Variants in TBCEL observed in about 807,000 individuals in gnomAD.
The protein encoded by TBCEL is tubulin-specific chaperone cofactor E-like protein.
Under a neutral mutation model 44.2 loss-of-function variants are expected in TBCEL, and 15 were observed. That is an observed-to-expected ratio of 0.34 (90% CI 0.23 to 0.52). The LOEUF (loss-of-function observed/expected upper bound fraction) is 0.52. Among genes scored for constraint, TBCEL ranks in the 20% least tolerant of loss-of-function variants. The pLI is 0.95. For missense variants in TBCEL, 319 were observed against 506.3 expected (o/e 0.63, Z 3.55); for synonymous variants, 171 against 185.4 (o/e 0.92, Z 0.63).
chr11:121,073,016 C>T (rs1945965654), intron 8 of TBCEL, among the ~76,000 whole-genome samples: 1 of 152,000 alleles, frequency 6.6e-6, no homozygotes, highest in South Asian at 2.1e-4. Context: ...TGTATTTGTC[C>T]ATCCCTTGTA....
At chr11:121,086,398 A>G (rs944794587) in intron 8 of TBCEL, among the ~76,000 whole-genome samples, 8 of 152,162 alleles carry the variant, frequency 5.3e-5, no homozygotes, top group Non-Finnish European at 8.8e-5. Flanking sequence ...CTTTCCATCT[A>G]TTCCCAAGGG....
At chr11:121,076,324 T>C (rs1004318161) in intron 8 of TBCEL, among the ~76,000 whole-genome samples, 1 of 151,988 alleles carries the variant, frequency 6.6e-6, no homozygotes, top group Non-Finnish European at 1.5e-5. Flanking sequence ...CCAGTATCTC[T>C]TTCCATTTAT....
chr11:121,082,787 T>C (rs951098000), intron 8 of TBCEL, among the ~76,000 whole-genome samples: 1 of 152,220 alleles, frequency 6.6e-6, no homozygotes, highest in African/African-American at 2.4e-5. Flanking sequence ...AGTAGTACCA[T>C]GGAACTGGCC....
intron 7 of TBCEL, among the ~76,000 whole-genome samples, chr11:121,058,795 T>G (rs1945667809): frequency 6.6e-6 from 1 of 152,008 alleles, no homozygotes; most frequent in Non-Finnish European, 1.5e-5. Context: ...GAATCATTTC[T>G]ATTCTTATTT....
At chr11:121,026,341 T>C (rs908005192) in intron 1 of TBCEL, among the ~76,000 whole-genome samples, 3 of 152,134 alleles carry the variant, frequency 2.0e-5, no homozygotes, top group African/African-American at 7.2e-5. Flanking sequence ...AAAGTGAGAG[T>C]CCTTCATGTA....
intron 8 of TBCEL, among the ~76,000 whole-genome samples, chr11:121,060,454 A>G (rs1403019676): frequency 1.3e-5 from 2 of 151,904 alleles, no homozygotes; most frequent in African/African-American, 2.4e-5. Flanking sequence ...TTTAGGATAT[A>G]CTAAGTTCTC....
intron 1 of TBCEL, among the ~76,000 whole-genome samples, chr11:121,025,607 C>T (rs186423540): frequency 3.3e-5 from 5 of 152,058 alleles, no homozygotes; most frequent in African/African-American, 1.2e-4. Flanking sequence ...ATTTGTGGGT[C>T]ACAACTTGCA....
intron 2 of TBCEL, among the ~76,000 whole-genome samples, chr11:121,044,543 A>G (rs143067637): frequency 6.6e-6 from 1 of 152,226 alleles, no homozygotes; most frequent in Non-Finnish European, 1.5e-5. Context: ...CAGAGCCTGT[A>G]TATCCTTCTC....
At position 121,088,989 on chromosome 11, in the gene TBCEL, C is replaced by G. The variant is rs1233499231; in HGVS notation, c.*1893C>G. The G allele has an allele frequency of 2.6e-5, 4 of 152,174 alleles. No homozygotes were observed. The highest frequency in any genetic ancestry group is 9.7e-5 in the African/African-American group (4 of 41,436). 9.4% of individuals were successfully genotyped at this position (152,174 alleles called of 1,614,324 possible). ...ATAATTATTTTGCAAACACATTTTC[C>G]TGACAGATTTTTGGAAGTAGGAAAA... is the stretch of plus-strand genomic sequence containing the variant. On this transcript the variant is annotated 3_prime_UTR_variant, in exon 9 of 9. Coordinates refer to ENST00000683345, the MANE Select transcript of TBCEL (RefSeq NM_001363644.2).
intron 8 of TBCEL, among the ~76,000 whole-genome samples, chr11:121,069,058 C>T (rs772554278): frequency 6.6e-6 from 1 of 152,156 alleles, no homozygotes; most frequent in Non-Finnish European, 1.5e-5. Flanking sequence ...CTTCTCTCCT[C>T]ACCCAGTCTA....
At chr11:121,037,136 C>G (rs1203700077) in intron 2 of TBCEL, among the ~76,000 whole-genome samples, 2 of 152,084 alleles carry the variant, frequency 1.3e-5, no homozygotes, top group Non-Finnish European at 2.9e-5. Context: ...CATTACTACA[C>G]TTGGGTATAG....
At chr11:121,027,872 CATAGACCAA>C (rs1243892524) in intron 1 of TBCEL, among the ~76,000 whole-genome samples, 28 of 152,136 alleles carry the variant, frequency 1.8e-4, no homozygotes, top group Admixed American at 1.8e-3. Flanking sequence ...GGGCGTAGTT[CATAGACCAA>C]GTAGATCAGA....
In TBCEL at chr11:121,088,146, G is replaced by C. The variant is rs1422065868; in HGVS notation, c.*1050G>C. On this transcript the variant is annotated 3_prime_UTR_variant, in exon 9 of 9. Coordinates refer to ENST00000683345, the MANE Select transcript of TBCEL (RefSeq NM_001363644.2). ...AAGAGCTTATGACTTTCCCACCTGT[G>C]TCATCCATTGGAAGCCCTTGCTCTT... The C allele has an allele frequency of 2.0e-5, 3 of 152,170 alleles. No individual in the cohort carries two copies. The highest frequency in any genetic ancestry group is 7.2e-5 in the African/African-American group (3 of 41,442). The allele number at this position is 152,170 out of a possible 1,614,324, so 9.4% of individuals were successfully genotyped here.
chr11:121,075,044 C>G (rs1946007953), intron 8 of TBCEL, among the ~76,000 whole-genome samples: 1 of 151,914 alleles, frequency 6.6e-6, no homozygotes, highest in Admixed American at 6.6e-5. Flanking sequence ...CACACACACT[C>G]ACTTGTGTGA....
intron 1 of TBCEL, among the ~76,000 whole-genome samples, chr11:121,031,363 T>A (rs1945140309): frequency 6.6e-6 from 1 of 152,224 alleles, no homozygotes; most frequent in Non-Finnish European, 1.5e-5. Context: ...ATTGTCAGAG[T>A]TTTTAAGTTT....
At chr11:121,057,998 C>T (rs11218129) in intron 6 of TBCEL, among the ~76,000 whole-genome samples, 26,959 of 151,630 alleles carry the variant, frequency 0.18, 2,473 homozygotes, top group East Asian at 0.32. Flanking sequence ...GGTCACATAG[C>T]TTTCTTTAAA....
At chr11:121,035,164 A>G (rs1351382346) in intron 1 of TBCEL, 1 of 152,162 alleles carries the variant, frequency 6.6e-6, no homozygotes, top group Non-Finnish European at 1.5e-5. Context: ...TAGTAAACTA[A>G]TATTTATTAA....
At position 121,071,425 on chromosome 11, in the gene TBCEL, G is replaced by T. The variant is rs535620536; in HGVS notation, c.956+11340G>T. On this transcript the variant is annotated intron_variant, in intron 8 of 8. Coordinates refer to ENST00000683345, the MANE Select transcript of TBCEL (RefSeq NM_001363644.2). ...GTGCCTTTTCAGACTTTAAAATTTT[G>T]CTTATCATAAGGAGGAGTCTTAAAA... Among the ~76,000 whole-genome samples the T allele has an allele frequency of 5.3e-5, 8 of 152,258 alleles. 1 individual carries two copies. Among genetic ancestry groups the T allele is most frequent in the Admixed American group, 5.2e-4 (8 of 15,284 alleles).
At chr11:121,029,331 A>G (rs1326777758) in intron 1 of TBCEL, among the ~76,000 whole-genome samples, 2 of 152,178 alleles carry the variant, frequency 1.3e-5, no homozygotes, top group South Asian at 2.1e-4. Flanking sequence ...TTTGACTCAT[A>G]TCAGCTCCTC....
Sources: gnomAD v4.1 joint callset for allele counts (sites outside exome capture counted in the v4.1 genomes callset) on GRCh38, gnomAD v4.1.1 for gene constraint, MANE v1.5 for transcripts, NCBI Gene and HGNC (gene_info 2026-07-23, HGNC 2026-07-21) for gene names.